GALK2: variants seen among roughly 807,000 people sequenced by gnomAD.
The protein encoded by GALK2 is galactokinase 2, also known as N-acetylgalactosamine kinase.
A neutral mutation model predicts 52.4 loss-of-function variants in GALK2; 36 were observed. The observed-to-expected ratio is 0.69, with a 90% CI of 0.53 to 0.91. The LOEUF (loss-of-function observed/expected upper bound fraction) is 0.91. GALK2 is among the 40% of genes least tolerant of loss of function. The probability of loss-of-function intolerance (pLI) is 0.00; values close to 1 mark genes in which losing one functional copy is unlikely to be tolerated. For missense variants in GALK2, 579 were observed against 559.1 expected, an observed-to-expected ratio of 1.04 and a Z score of -0.36; for synonymous variants, 176 against 199.1, an observed-to-expected ratio of 0.88 and a Z score of 0.98.
At chr15:49,286,412 G>T (rs1294432160) in intron 7 of GALK2, among the ~76,000 whole-genome samples, 1 of 152,154 alleles carries the variant, frequency 6.6e-6, no homozygotes, top group Non-Finnish European at 1.5e-5. Context: ...TCCTGTGGAG[G>T]TGTGTAAAGT....
chr15:49,194,718 C>T (rs1033151081), intron 1 of GALK2, among the ~76,000 whole-genome samples: 2 of 151,408 alleles, frequency 1.3e-5, no homozygotes, highest in African/African-American at 2.4e-5. Context: ...GCCTCAGCCT[C>T]CCGAGTAGCT....
rs781149298 is a variant in GALK2, at chr15:49,217,180, T to C, written c.143-10T>C. The C allele has an allele frequency of 1.9e-6, 3 of 1,603,328 alleles. No individual in the cohort carries two copies. On this transcript the variant is annotated splice_polypyrimidine_tract_variant and intron_variant, in intron 2 of 9. Coordinates refer to ENST00000560031, the MANE Select transcript of GALK2 (RefSeq NM_002044.4). Reference sequence around the variant, plus strand: ...TAGCAATGATTAAAAAAGCTTTCTCTTTTTTCTAGGAGAGCATATAGATTA... The same window carrying C: ...TAGCAATGATTAAAAAAGCTTTCTCCTTTTTCTAGGAGAGCATATAGATTA...
intron 1 of GALK2, among the ~76,000 whole-genome samples, chr15:49,190,713 T>G (rs957290723): frequency 1.3e-5 from 2 of 152,198 alleles, no homozygotes; most frequent in Non-Finnish European, 2.9e-5. Context: ...CAGTAGTTGA[T>G]TCTTGGCCAA....
At chr15:49,221,019 C>G (rs1021844280) in intron 3 of GALK2, among the ~76,000 whole-genome samples, 4 of 152,168 alleles carry the variant, frequency 2.6e-5, no homozygotes, top group African/African-American at 9.7e-5. Flanking sequence ...AATATTTTCT[C>G]CCATTCAACA....
At chr15:49,179,373 A>G (rs2085773847) in intron 1 of GALK2, among the ~76,000 whole-genome samples, 1 of 152,216 alleles carries the variant, frequency 6.6e-6, no homozygotes. Flanking sequence ...TTCTTAAATT[A>G]GTATTAAAAA....
intron 5 of GALK2, among the ~76,000 whole-genome samples, chr15:49,262,103 C>T (rs553162278): frequency 6.6e-6 from 1 of 151,998 alleles, no homozygotes; most frequent in South Asian, 2.1e-4. Context: ...AGGGAGGATT[C>T]CCTCTTTTTC....
Position 49,328,774 on chromosome 15 carries a change from A to AT in GALK2, c.*630dup, listed in dbSNP as rs3075141. On this transcript the variant is annotated 3_prime_UTR_variant, in exon 10 of 10. Transcript: ENST00000560031. ...TTCTCCAGTTATCAAGAGACTAAGG[A>AT]TTTTTTTTTTTTTTTGACAAAAGGA... The AT allele has an allele frequency of 2.8e-3, 3,595 of 1,276,586 alleles. 2 individuals carry two copies. The highest frequency in any genetic ancestry group is 6.2e-3 in the South Asian group (301 of 48,238). 79.1% of individuals were successfully genotyped at this position (1,276,586 alleles called of 1,614,324 possible). A position where few individuals can be genotyped will look rare whatever the true frequency, so the allele number is the denominator to read the frequency against.
intron 5 of GALK2, among the ~76,000 whole-genome samples, chr15:49,266,945 A>G (rs2092381633): frequency 6.6e-6 from 1 of 152,198 alleles, no homozygotes; most frequent in East Asian, 1.9e-4. Context: ...TAACTACTGT[A>G]TTAATTTCAG....
chr15:49,227,619 A>T (rs1353759255), intron 3 of GALK2, among the ~76,000 whole-genome samples: 1 of 151,908 alleles, frequency 6.6e-6, no homozygotes, highest in African/African-American at 2.4e-5. Context: ...TGGAAAATTT[A>T]ATCTTTTTAC....
chr15:49,333,144 TA>T (rs201261909), downstream of GALK2, among the ~76,000 whole-genome samples: 1 of 151,920 alleles, frequency 6.6e-6, no homozygotes, highest in Non-Finnish European at 1.5e-5. Flanking sequence ...CTCCCCTCTT[TA>T]AAAAAAATTA....
chr15:49,225,320 C>T (rs2141423629), intron 3 of GALK2: 1 of 446,558 alleles, frequency 2.2e-6, no homozygotes, highest in East Asian at 7.0e-5. Context: ...TGCTTCATGG[C>T]CTGTTCAGAA....
At chr15:49,324,580 C>G (rs1016094232) in intron 9 of GALK2, among the ~76,000 whole-genome samples, 1 of 152,030 alleles carries the variant, frequency 6.6e-6, no homozygotes, top group Non-Finnish European at 1.5e-5. Context: ...CTTATCCTTT[C>G]TCATTTGAAC....
At chr15:49,265,661 C>G (rs878864911) in intron 5 of GALK2, among the ~76,000 whole-genome samples, 1 of 152,242 alleles carries the variant, frequency 6.6e-6, no homozygotes, top group South Asian at 2.1e-4. Flanking sequence ...CCGTCTTCTG[C>G]GTCGCTCACG....
intron 5 of GALK2, among the ~76,000 whole-genome samples, chr15:49,260,606 A>T (rs941979347): frequency 6.8e-6 from 1 of 146,880 alleles, no homozygotes; most frequent in Non-Finnish European, 1.5e-5. Flanking sequence ...TTTTGTTGCC[A>T]TTGCTTTTGG....
intron 8 of GALK2, among the ~76,000 whole-genome samples, chr15:49,302,736 A>G (rs1291255091): frequency 6.6e-6 from 1 of 152,210 alleles, no homozygotes; most frequent in African/African-American, 2.4e-5. Flanking sequence ...AAAGTTTTCC[A>G]TAGAAAGCTA....
At chr15:49,301,386 A>G (rs1311492485) in intron 8 of GALK2, among the ~76,000 whole-genome samples, 1 of 152,202 alleles carries the variant, frequency 6.6e-6, no homozygotes, top group Non-Finnish European at 1.5e-5. Context: ...ACCCACAGGT[A>G]GGAATTGTCT....
chr15:49,366,626 A>T, intron 3 of GALK2: 1 of 1,587,674 alleles, frequency 6.3e-7, no homozygotes, highest in Non-Finnish European at 8.6e-7. Context: ...TGTCAGCTGG[A>T]GCAGGAAGCC....
At chr15:49,199,173 AG>A (rs2087512597) in intron 1 of GALK2, 1 of 152,208 alleles carries the variant, frequency 6.6e-6, no homozygotes, top group Non-Finnish European at 1.5e-5. Flanking sequence ...CTGGAACTAC[AG>A]GCACACCCAG....
At chr15:49,202,224 C>T (rs183217318) in intron 2 of GALK2, among the ~76,000 whole-genome samples, 7 of 152,204 alleles carry the variant, frequency 4.6e-5, no homozygotes, top group Admixed American at 1.3e-4. Context: ...AGGCTGGTCT[C>T]GAACTCCCAA....
Sources: gnomAD v4.1 joint callset for allele counts (sites outside exome capture counted in the v4.1 genomes callset) on GRCh38, gnomAD v4.1.1 for gene constraint, MANE v1.5 for transcripts, NCBI Gene and HGNC (gene_info 2026-07-23, HGNC 2026-07-21) for gene names.